CACHD1: variants seen among roughly 807,000 people sequenced by gnomAD.
CACHD1 encodes the protein VWFA and cache domain-containing protein 1.
Under a neutral mutation model 138.7 loss-of-function variants are expected in CACHD1, and 71 were observed. That is an observed-to-expected ratio of 0.51 (90% CI 0.42 to 0.62). CACHD1 has a LOEUF of 0.62. Among genes scored for constraint, CACHD1 ranks in the 20% least tolerant of loss-of-function variants. The pLI is 0.00. For synonymous variants in CACHD1, 578 were observed against 591.5 expected (o/e 0.98, Z 0.33); for missense variants, 1,389 against 1,625.3 (o/e 0.85, Z 2.50).
Position 64,673,339 on chromosome 1 carries a change from C to T in CACHD1, c.2611-9C>T. 6.2e-7 allele frequency: 1 copy of T among 1,613,566 alleles called. No homozygotes were observed. Among genetic ancestry groups the T allele is most frequent in the South Asian group, 1.1e-5 (1 of 91,080 alleles). On this transcript the variant is annotated splice_polypyrimidine_tract_variant and intron_variant, in intron 18 of 26. Coordinates refer to ENST00000651257, the MANE Select transcript of CACHD1 (RefSeq NM_020925.4). Reference sequence around the variant, plus strand: ...GGCATATGTCTTCTGTTCTCTTTGGCCTTGGTAGGAGCCCCTGGTAGCAAA... The same window carrying T: ...GGCATATGTCTTCTGTTCTCTTTGGTCTTGGTAGGAGCCCCTGGTAGCAAA...
intron 1 of CACHD1, among the ~76,000 whole-genome samples, chr1:64,543,189 A>G (rs896503312): frequency 6.6e-6 from 1 of 151,714 alleles, no homozygotes; most frequent in Admixed American, 6.6e-5. Flanking sequence ...TTTTAGTGGT[A>G]ACCTTTTCCA....
At chr1:64,471,058 C>T (rs1442052719) in intron 1 of CACHD1, 116 bp downstream of exon 1, 2 of 1,040,178 alleles carry the variant, frequency 1.9e-6, no homozygotes, top group East Asian at 5.6e-5. Context: ...ATACATAGAG[C>T]CCGGCTTCCC....
At position 64,666,242 on chromosome 1, in the gene CACHD1, C is replaced by T. The variant is rs530829844; in HGVS notation, c.2387+75C>T. 6.9e-5 allele frequency: 63 copies of T among 913,964 alleles called. 1 individual carries two copies. In the African/African-American group the frequency reaches 7.4e-4, roughly 11 times the overall value. 56.6% of individuals were successfully genotyped at this position (913,964 alleles called of 1,614,324 possible). On this transcript the variant is annotated intron_variant, in intron 16 of 26. Coordinates refer to ENST00000651257, the MANE Select transcript of CACHD1 (RefSeq NM_020925.4). ...TTTTGGAAATCTGAATAGAAGAGTA[C>T]GCGCACCAAGGCTTAGAGGCAGAAG...
chr1:64,471,814 A>G (rs1235186330), intron 1 of CACHD1, among the ~76,000 whole-genome samples: 1 of 152,078 alleles, frequency 6.6e-6, no homozygotes, highest in Non-Finnish European at 1.5e-5. Flanking sequence ...AACTGCCCGC[A>G]GCTAGTAAGG....
At chr1:64,487,391 A>G (rs1418194260) in intron 1 of CACHD1, among the ~76,000 whole-genome samples, 1 of 152,270 alleles carries the variant, frequency 6.6e-6, no homozygotes, top group Non-Finnish European at 1.5e-5. Flanking sequence ...TTAGTGGAAT[A>G]CAAGAGAATG....
chr1:64,685,823 G>C (rs1276031502), intron 26 of CACHD1, among the ~76,000 whole-genome samples: 1 of 150,654 alleles, frequency 6.6e-6, no homozygotes, highest in Non-Finnish European at 1.5e-5. Context: ...AGAACTCTTT[G>C]AGCTCTTTGA....
Position 64,590,996 on chromosome 1 carries a change from T to G in CACHD1, c.410+8692T>G, listed in dbSNP as rs573723833. ...TTCCAACTTTGAAGACTGATATAAT[T>G]TTCCTCAAACTCCTTAGAAGTTTGT... On this transcript the variant is annotated intron_variant, in intron 3 of 26. Transcript: ENST00000651257. 2.2e-4 allele frequency among the ~76,000 whole-genome samples: 33 copies of G among 152,338 alleles called. 1 individual carries two copies. The highest frequency in any genetic ancestry group is 1.7e-3 in the Admixed American group (26 of 15,302).
intron 1 of CACHD1, among the ~76,000 whole-genome samples, chr1:64,550,116 C>T (rs1038429505): frequency 7.2e-5 from 11 of 152,078 alleles, no homozygotes; most frequent in African/African-American, 1.9e-4. Flanking sequence ...ACTCTCCTGA[C>T]GGGGTACTTG....
intron 4 of CACHD1, among the ~76,000 whole-genome samples, chr1:64,628,490 T>C (rs1414081405): frequency 6.6e-6 from 1 of 152,078 alleles, no homozygotes; most frequent in African/African-American, 2.4e-5. Context: ...GAAATTCTGA[T>C]TGCGGGAGAG....
At chr1:64,502,732 G>C (rs1646347352) in intron 1 of CACHD1, among the ~76,000 whole-genome samples, 1 of 152,184 alleles carries the variant, frequency 6.6e-6, no homozygotes, top group South Asian at 2.1e-4. Flanking sequence ...TAGGTGAGGA[G>C]AGGTTGAAAA....
intron 5 of CACHD1, among the ~76,000 whole-genome samples, chr1:64,629,691 A>G (rs908881661): frequency 4.6e-5 from 7 of 152,050 alleles, no homozygotes; most frequent in African/African-American, 1.4e-4. Flanking sequence ...TCCTATAGCT[A>G]TCTAATATGC....
intron 3 of CACHD1, among the ~76,000 whole-genome samples, chr1:64,596,249 T>C (rs1023011245): frequency 1.3e-5 from 2 of 152,232 alleles, no homozygotes; most frequent in Non-Finnish European, 2.9e-5. Context: ...CTTAGCTCTT[T>C]CTTTGTTTAA....
Position 64,643,024 on chromosome 1 carries a change from C to A in CACHD1, c.1156+1055C>A, listed in dbSNP as rs558104041. ...ACTGCACCCCAGCCTGGTGACAGAG[C>A]AAGACTCTGTCTAAAAAAAAAAAAA... On this transcript the variant is annotated intron_variant, in intron 8 of 26. Coordinates refer to ENST00000651257, the MANE Select transcript of CACHD1 (RefSeq NM_020925.4). Among the ~76,000 whole-genome samples, 8 of 108,392 alleles carry A rather than the reference C, an allele frequency of 7.4e-5. No homozygotes were observed. The East Asian group carries it at 2.4e-3, about 32-fold the overall frequency. 71.1% of individuals were successfully genotyped at this position (108,392 alleles called of 152,430 possible). A position where few individuals can be genotyped will look rare whatever the true frequency, so the allele number is the denominator to read the frequency against.
At chr1:64,510,758 A>G (rs1435616205) in intron 1 of CACHD1, among the ~76,000 whole-genome samples, 1 of 152,252 alleles carries the variant, frequency 6.6e-6, no homozygotes, top group Admixed American at 6.5e-5. Flanking sequence ...TCACTGGGAC[A>G]AAGATTCAGA....
intron 17 of CACHD1, among the ~76,000 whole-genome samples, chr1:64,672,754 T>C (rs1271352736): frequency 6.6e-6 from 1 of 152,208 alleles, no homozygotes; most frequent in Non-Finnish European, 1.5e-5. Flanking sequence ...GAAGAAATTA[T>C]ATGCTTTACT....
At chr1:64,634,020 T>TG (rs1648410524) in intron 6 of CACHD1, 24 bp from the exon 7 acceptor site, 1 of 1,416,286 alleles carries the variant, frequency 7.1e-7, no homozygotes, top group Non-Finnish European at 9.6e-7. Flanking sequence ...GTTTGGTGGT[T>TG]TTTTTTTTTT....
At chr1:64,534,795 G>A (rs1044414161) in intron 1 of CACHD1, among the ~76,000 whole-genome samples, 2 of 152,250 alleles carry the variant, frequency 1.3e-5, no homozygotes, top group Non-Finnish European at 2.9e-5. Flanking sequence ...GAAGGCTGAA[G>A]CTAGGACAAT....
intron 4 of CACHD1, among the ~76,000 whole-genome samples, chr1:64,612,829 A>G (rs1329427909): frequency 6.6e-6 from 1 of 152,228 alleles, no homozygotes; most frequent in African/African-American, 2.4e-5. Flanking sequence ...CAGCCAATGG[A>G]TCAAGGAGTG....
At position 64,678,212 on chromosome 1, in the gene CACHD1, A is replaced by G; in HGVS notation, c.3146A>G (p.Lys1049Arg). Residue 1049 changes from lysine (K) to arginine (R), a missense_variant, in exon 23 of 27, where the codon AAG (lysine) becomes AGG (arginine). By Grantham distance (26) the Lys-to-Arg change is conservative. This residue lies in a region of CACHD1 where 250 missense variants were observed against 292.9 expected (regional missense o/e 0.85). Coordinates refer to ENST00000651257, the MANE Select transcript of CACHD1 (RefSeq NM_020925.4). ...TGGTGCATGGTGGACAGTGATGGAA[A>G]GACTCACCTGGACAAACCCTACTGT... ...CEWCMVDSDG[K>R]THLDKPYCAP... 1 of 1,612,534 alleles carries G rather than the reference A, an allele frequency of 6.2e-7. No homozygotes were observed. Among genetic ancestry groups the G allele is most frequent in the Non-Finnish European group, 8.5e-7 (1 of 1,179,438 alleles).
Sources: allele counts gnomAD v4.1 joint callset (sites outside exome capture counted in the v4.1 genomes callset), GRCh38; gene constraint gnomAD v4.1.1; regional missense constraint gnomAD v4.1.1; transcripts MANE v1.5; gene names NCBI Gene and HGNC (gene_info 2026-07-23, HGNC 2026-07-21).